Variants in ACAN observed in about 807,000 individuals in gnomAD.
ACAN encodes aggrecan.
In ACAN, 47 loss-of-function variants were observed where a neutral mutation model predicts 169.1. The ratio of observed to expected loss-of-function variants is 0.28; its 90% CI spans 0.22 to 0.35. The LOEUF (loss-of-function observed/expected upper bound fraction) is 0.35. ACAN is among the 10% of genes least tolerant of loss of function. ACAN has a pLI of 1.00. For missense variants in ACAN, 2,716 were observed against 2,759.9 expected (o/e 0.98, Z 0.36); for synonymous variants, 1,115 against 1,112.2 (o/e 1.00, Z -0.05).
chr15:88,830,545 T>C (rs1481267366), intron 1 of ACAN, among the ~76,000 whole-genome samples: 1 of 151,674 alleles, frequency 6.6e-6, no homozygotes, highest in African/African-American at 2.4e-5. Context: ...CTGTACCTTT[T>C]GTATGTGTAG....
Position 88,860,555 on chromosome 15 carries a change from G to A in ACAN, c.6946+116G>A, listed in dbSNP as rs1210143992. ...CCAAGGTCCACTGAGGCTCAGGCTG[G>A]GAAGGAGCTGCATGATGACATGTCA... is the stretch of plus-strand genomic sequence containing the variant. On this transcript the variant is annotated intron_variant, in intron 13 of 18. Coordinates refer to ENST00000560601, the MANE Select transcript of ACAN (RefSeq NM_001369268.1). 19 of 717,524 alleles carry A rather than the reference G, an allele frequency of 2.6e-5. No homozygotes were observed. The South Asian group carries it at 3.4e-4, about 13-fold the overall frequency. 44.4% of individuals were successfully genotyped at this position (717,524 alleles called of 1,614,324 possible).
In ACAN at chr15:88,849,936, G is replaced by T. The variant is rs1896895737; in HGVS notation, c.2026+205G>T. 1 of 733,230 alleles carries T rather than the reference G, an allele frequency of 1.4e-6. No homozygotes were observed. Among genetic ancestry groups the T allele is most frequent in the Non-Finnish European group, 2.4e-6 (1 of 422,216 alleles). The allele number at this position is 733,230 out of a possible 1,614,324, so 45.4% of individuals were successfully genotyped here. ...TCCTTCTAAAGTTCCCCAGAGACAA[G>T]TAGAGATAAATAAGAACTTGAGCTG... is the stretch of plus-strand genomic sequence containing the variant. On this transcript the variant is annotated intron_variant, in intron 10 of 18. Transcript: ENST00000560601. The surrounding 1 kb of genome is among the most constrained non-coding windows in gnomAD (Gnocchi z 5.1).
At chr15:88,852,128 G>A (rs1335098618) in intron 11 of ACAN, 95 bp downstream of exon 11, 7 of 1,475,164 alleles carry the variant, frequency 4.7e-6, no homozygotes, top group Non-Finnish European at 6.3e-6. Flanking sequence ...CCCTCCCTGG[G>A]ATTTGTGCTG....
rs1896894708 is a variant in ACAN, at chr15:88,849,894, A to AC, written c.2026+167dup. 9.8e-7 allele frequency: 1 copy of AC among 1,017,492 alleles called. No individual in the cohort carries two copies. The highest frequency in any genetic ancestry group is 1.6e-5 in the African/African-American group (1 of 62,934). The allele number at this position is 1,017,492 out of a possible 1,614,324, so 63.0% of individuals were successfully genotyped here. ...TGAAACCAGCACAACGCAGGCTTTG[A>AC]CCCCAAGGCAAGGTCATCCTTCTAA... On this transcript the variant is annotated intron_variant, in intron 10 of 18. Coordinates refer to ENST00000560601, the MANE Select transcript of ACAN (RefSeq NM_001369268.1). This position sits in a 1 kb window ranked among gnomAD's most constrained non-coding sequence, Gnocchi z 5.1.
intron 1 of ACAN, among the ~76,000 whole-genome samples, chr15:88,808,326 T>C (rs1222627624): frequency 1.3e-5 from 2 of 152,188 alleles, no homozygotes; most frequent in African/African-American, 4.8e-5. Flanking sequence ...ATCTAGACCT[T>C]CAGGTTCTCA....
In ACAN at chr15:88,870,500, C is replaced by T. The variant is rs1455499483; in HGVS notation, c.7061-882C>T. On this transcript the variant is annotated intron_variant, in intron 14 of 18. Coordinates refer to ENST00000560601, the MANE Select transcript of ACAN (RefSeq NM_001369268.1). The surrounding 1 kb of genome is among the most constrained non-coding windows in gnomAD (Gnocchi z 6.3). Reference sequence around the variant, plus strand: ...ATTCCTGAGGTGTAAATGCTTCCACCGGGGCCAGTTTAAAGCTATCAACAT... The same window carrying T: ...ATTCCTGAGGTGTAAATGCTTCCACTGGGGCCAGTTTAAAGCTATCAACAT... Among the ~76,000 whole-genome samples, 1 of 152,166 alleles carries T rather than the reference C, an allele frequency of 6.6e-6. No homozygotes were observed. The highest frequency in any genetic ancestry group is 1.5e-5 in the Non-Finnish European group (1 of 68,038).
At chr15:88,841,695 C>T in intron 4 of ACAN, 45 bp from the exon 5 acceptor site, 1 of 1,612,394 alleles carries the variant, frequency 6.2e-7, no homozygotes, top group Non-Finnish European at 8.5e-7. Flanking sequence ...CATGGGCTTC[C>T]CTTTGTCCCC....
chr15:88,860,471 G>A (rs1897172755), intron 13 of ACAN, 32 bp downstream of exon 13: 5 of 1,587,902 alleles, frequency 3.1e-6, no homozygotes, highest in African/African-American at 1.3e-5. Context: ...GAGAGTGAGG[G>A]CGGAGGCGCT....
At chr15:88,829,843 A>T (rs1271535083) in intron 1 of ACAN, among the ~76,000 whole-genome samples, 1 of 152,234 alleles carries the variant, frequency 6.6e-6, no homozygotes, top group African/African-American at 2.4e-5. Context: ...GTACTGTGTG[A>T]GTTAGCATAA....
At chr15:88,805,967 G>C (rs942067260) in intron 1 of ACAN, among the ~76,000 whole-genome samples, 1 of 152,054 alleles carries the variant, frequency 6.6e-6, no homozygotes, top group Non-Finnish European at 1.5e-5. Flanking sequence ...AATTAGAGAG[G>C]GAGCTCCAAG....
chr15:88,872,867 A>G lies in ACAN; in HGVS notation c.7303-14A>G. 1 of 1,612,760 alleles carries G rather than the reference A, an allele frequency of 6.2e-7. No homozygotes were observed. ...CCTGCCCTCTCCTTACTCCTTCCCC[A>G]CTCCCACCCACAGCAATTTGAGAAC... On this transcript the variant is annotated splice_polypyrimidine_tract_variant and intron_variant, in intron 16 of 18. Transcript: ENST00000560601. The surrounding 1 kb of genome is among the most constrained non-coding windows in gnomAD (Gnocchi z 5.4).
intron 1 of ACAN, among the ~76,000 whole-genome samples, chr15:88,808,308 G>A (rs181769070): frequency 6.6e-6 from 1 of 152,324 alleles, no homozygotes; most frequent in East Asian, 1.9e-4. Context: ...GTAAGAATCT[G>A]GACTGGGATC....
chr15:88,862,959 C>A (rs1202298251), intron 13 of ACAN, among the ~76,000 whole-genome samples: 1 of 146,456 alleles, frequency 6.8e-6, no homozygotes, highest in Non-Finnish European at 1.5e-5. Flanking sequence ...GATTGTTGCA[C>A]TGCACTCCAG....
intron 13 of ACAN, among the ~76,000 whole-genome samples, chr15:88,864,597 G>C (rs1174923796): frequency 6.6e-6 from 1 of 152,192 alleles, no homozygotes. Context: ...TATCTTAAAA[G>C]CAAATTAGGA....
At chr15:88,824,321 A>C (rs1303290207) in intron 1 of ACAN, among the ~76,000 whole-genome samples, 1 of 140,276 alleles carries the variant, frequency 7.1e-6, no homozygotes, top group Admixed American at 6.9e-5. Context: ...CTCCGTCTCA[A>C]AAAAAAAAAC....
At chr15:88,835,042 G>C (rs1896466454) in intron 1 of ACAN, among the ~76,000 whole-genome samples, 1 of 152,202 alleles carries the variant, frequency 6.6e-6, no homozygotes. Context: ...AGGAAGGTTT[G>C]TCTTTCTAAT....
intron 1 of ACAN, among the ~76,000 whole-genome samples, chr15:88,822,177 G>T (rs914098102): frequency 2.0e-5 from 3 of 152,186 alleles, no homozygotes; most frequent in Admixed American, 1.3e-4. Context: ...GGTCCCCACC[G>T]TACATCACAC....
chr15:88,868,181 C>G lies in ACAN; in HGVS notation c.6947-35C>G, dbSNP rs2141631214. 1 of 696,494 alleles carries G rather than the reference C, an allele frequency of 1.4e-6. No homozygotes were observed. Among genetic ancestry groups the G allele is most frequent in the East Asian group, 2.7e-5 (1 of 37,196 alleles). 43.1% of individuals were successfully genotyped at this position (696,494 alleles called of 1,614,324 possible). On this transcript the variant is annotated intron_variant, in intron 13 of 18. Transcript: ENST00000560601. The surrounding 1 kb of genome is among the most constrained non-coding windows in gnomAD (Gnocchi z 5.2). ...GTGCTTGTGAGGCTGGAGTTGCCGG[C>G]AGGAGTCCTAATGGTGGCCCTTGGT...
At chr15:88,820,600 C>T (rs1596117512) in intron 1 of ACAN, among the ~76,000 whole-genome samples, 1 of 152,266 alleles carries the variant, frequency 6.6e-6, no homozygotes, top group East Asian at 1.9e-4. Context: ...CTTTCCCCAC[C>T]TCTACATGTC....
Sources: gnomAD v4.1 joint callset for allele counts (sites outside exome capture counted in the v4.1 genomes callset) on GRCh38, gnomAD v4.1.1 for gene constraint, Gnocchi (gnomAD v3.1) non-coding constraint, MANE v1.5 for transcripts, NCBI Gene and HGNC (gene_info 2026-07-23, HGNC 2026-07-21) for gene names.